Variants in SLC7A9 observed in about 807,000 individuals in gnomAD.
SLC7A9 encodes solute carrier family 7 member 9.
Under a neutral mutation model 54.1 loss-of-function variants are expected in SLC7A9, and 38 were observed. The observed-to-expected ratio is 0.70, with a 90% CI of 0.54 to 0.92. The LOEUF (loss-of-function observed/expected upper bound fraction) is 0.92. Ranked by LOEUF, SLC7A9 falls within the 40% of genes least tolerant of loss-of-function variation. The probability of loss-of-function intolerance (pLI) is 0.00; values close to 1 mark genes in which losing one functional copy is unlikely to be tolerated. For synonymous variants in SLC7A9, 264 were observed against 258.9 expected, an observed-to-expected ratio of 1.02 and a Z score of -0.19; for missense variants, 537 against 636.1, an observed-to-expected ratio of 0.84 and a Z score of 1.68.
rs386388892 is a variant in SLC7A9, at chr19:32,844,857, C to CAAAAAAAAAAAAAAAAAAAA, written c.978-926_978-907dup. 1.1e-3 allele frequency among the ~76,000 whole-genome samples: 34 copies of CAAAAAAAAAAAAAAAAAAAA among 30,314 alleles called. 4 individuals are homozygous for CAAAAAAAAAAAAAAAAAAAA. Among genetic ancestry groups the CAAAAAAAAAAAAAAAAAAAA allele is most frequent in the Non-Finnish European group, 1.4e-3 (24 of 16,988 alleles). The allele number at this position is 30,314 out of a possible 152,430, so 19.9% of individuals were successfully genotyped here. On this transcript the variant is annotated intron_variant, in intron 9 of 12. Coordinates refer to ENST00000023064, the MANE Select transcript of SLC7A9 (RefSeq NM_014270.5). ...TGGACGACAGAGTGAGAATCCATCT[C>CAAAAAAAAAAAAAAAAAAAA]AAAAAAAAAAAAAAAAAAAAAAAAA...
intron 2 of SLC7A9, 102 bp downstream of exon 2, chr19:32,868,346 G>A (rs1969039676): frequency 1.3e-6 from 1 of 789,246 alleles, no homozygotes; most frequent in Non-Finnish European, 2.3e-6. Context: ...TACATCTTCT[G>A]CCGTGTCACT....
At chr19:32,848,363 C>CA (rs913765008) in intron 9 of SLC7A9, among the ~76,000 whole-genome samples, 1,551 of 151,752 alleles carry the variant, frequency 0.01, 28 homozygotes, top group African/African-American at 0.036. Flanking sequence ...AAATGGAAAA[C>CA]AAAAAAAGGC....
At chr19:32,832,326 T>G (rs1385077216) in intron 12 of SLC7A9, among the ~76,000 whole-genome samples, 1 of 150,488 alleles carries the variant, frequency 6.6e-6, no homozygotes, top group African/African-American at 2.5e-5. Flanking sequence ...GTGGCTGACA[T>G]CTGTAATCCC....
At chr19:32,839,035 T>A (rs1968053597) in intron 11 of SLC7A9, among the ~76,000 whole-genome samples, 1 of 152,146 alleles carries the variant, frequency 6.6e-6, no homozygotes, top group Admixed American at 6.6e-5. Context: ...TTAAAGTGGC[T>A]TCCTTATTGG....
rs1038553225 is a variant in SLC7A9, at chr19:32,837,207, A to G, written c.1225-3884T>C. Among the ~76,000 whole-genome samples, 10 of 152,206 alleles carry G rather than the reference A, an allele frequency of 6.6e-5. No individual in the cohort carries two copies. In the East Asian group the frequency reaches 9.7e-4, roughly 15 times the overall value. ...TTTAAATTCACCATAGGAAACCTCA[A>G]ATTTCCTGCCAGGTGCTGTGGCTCA... On this transcript the variant is annotated intron_variant, in intron 11 of 12. Coordinates refer to ENST00000023064, the MANE Select transcript of SLC7A9 (RefSeq NM_014270.5).
At chr19:32,842,880 C>T (rs1397592029) in intron 10 of SLC7A9, among the ~76,000 whole-genome samples, 1 of 152,072 alleles carries the variant, frequency 6.6e-6, no homozygotes, top group Admixed American at 6.5e-5. Context: ...GAATATTATA[C>T]CAGCTTCATA....
intron 7 of SLC7A9, 116 bp from the exon 8 acceptor site, chr19:32,860,080 G>A (rs1222101229): frequency 1.9e-6 from 3 of 1,587,006 alleles, no homozygotes; most frequent in South Asian, 2.3e-5. Context: ...AGGCCCAGCA[G>A]GAACATAAGA....
intron 9 of SLC7A9, among the ~76,000 whole-genome samples, chr19:32,845,711 C>A (rs796540978): frequency 5.3e-5 from 8 of 152,252 alleles, no homozygotes; most frequent in African/African-American, 1.9e-4. Context: ...CATTTTCAAA[C>A]TTCTAAAGAA....
At chr19:32,855,475 G>A (rs959470396) in intron 9 of SLC7A9, among the ~76,000 whole-genome samples, 18 of 152,100 alleles carry the variant, frequency 1.2e-4, no homozygotes, top group Admixed American at 2.0e-4. Context: ...CAAGGCGGGC[G>A]GATCACGAGG....
chr19:32,832,473 G>T (rs1269723521), intron 12 of SLC7A9, among the ~76,000 whole-genome samples: 1 of 151,794 alleles, frequency 6.6e-6, no homozygotes, highest in Non-Finnish European at 1.5e-5. Context: ...TGTAATCCCA[G>T]CTACTCGGAA....
chr19:32,845,625 A>C (rs1241658996), intron 9 of SLC7A9, among the ~76,000 whole-genome samples: 1 of 152,374 alleles, frequency 6.6e-6, no homozygotes, highest in East Asian at 1.9e-4. Flanking sequence ...TCATATAAAA[A>C]TCTAGATATA....
At chr19:32,864,801 CGTTA>C (rs949262597) in intron 2 of SLC7A9, 25 bp from the exon 3 acceptor site, 1 of 1,613,742 alleles carries the variant, frequency 6.2e-7, no homozygotes, top group African/African-American at 1.3e-5. Flanking sequence ...AGGAAGAGGG[CGTTA>C]GTGCCACGCC....
chr19:32,849,635 T>G (rs1341584583), intron 9 of SLC7A9, among the ~76,000 whole-genome samples: 3 of 149,428 alleles, frequency 2.0e-5, no homozygotes, highest in South Asian at 2.1e-4. Flanking sequence ...CTTCTGAAAC[T>G]ATTCCAATCA....
intron 11 of SLC7A9, among the ~76,000 whole-genome samples, chr19:32,839,042 T>C (rs979567771): frequency 6.6e-6 from 1 of 152,182 alleles, no homozygotes; most frequent in Non-Finnish European, 1.5e-5. Context: ...GGCTTCCTTA[T>C]TGGCAGCTTG....
chr19:32,839,661 C>A (rs1340332147), intron 11 of SLC7A9, among the ~76,000 whole-genome samples: 2 of 151,604 alleles, frequency 1.3e-5, no homozygotes, highest in African/African-American at 4.9e-5. Context: ...GTATAAGAAT[C>A]TGGCTTACAT....
rs546259018 is a variant in SLC7A9, at chr19:32,858,717, G to A, written c.874-174C>T. Among the ~76,000 whole-genome samples the A allele has an allele frequency of 3.9e-5, 6 of 152,230 alleles. No homozygotes were observed. In the East Asian group the frequency reaches 1.2e-3, roughly 29 times the overall value. The stretch of plus-strand genomic sequence containing the variant: ...GGAGAACGCCACTCGCCTATCTCCA[G>A]ATATTGTGATGGCAAGAGAAGTCTC... On this transcript the variant is annotated intron_variant, in intron 8 of 12. Transcript: ENST00000023064.
intron 9 of SLC7A9, among the ~76,000 whole-genome samples, chr19:32,857,411 T>C (rs547727663): frequency 2.0e-5 from 3 of 152,156 alleles, no homozygotes; most frequent in Non-Finnish European, 2.9e-5. Flanking sequence ...GCCAGTGTGC[T>C]CCAGCCTGGG....
At position 32,864,159 on chromosome 19, in the gene SLC7A9, G is replaced by A. The variant is rs1385190308; in HGVS notation, c.415C>T (p.Pro139Ser). 8 of 1,614,186 alleles carry A rather than the reference G, an allele frequency of 5.0e-6. No individual in the cohort carries two copies. The highest frequency in any genetic ancestry group is 3.3e-5 in the South Asian group (3 of 91,088). Residue 139 changes from proline to serine, a missense_variant, in exon 4 of 13, where the codon CCC becomes TCC. Pro to Ser is a moderately conservative substitution (Grantham distance 74). Coordinates refer to ENST00000023064, the MANE Select transcript of SLC7A9 (RefSeq NM_014270.5). ...CLSFSEYVCA[P>S]FYVGCKPPQI... ...GGAGGCTTGCAGCCCACATAGAAGG[G>A]CGCACACACATACTCGGAGAAGCTG...
At chr19:32,847,192 C>T (rs1316507269) in intron 9 of SLC7A9, among the ~76,000 whole-genome samples, 1 of 152,196 alleles carries the variant, frequency 6.6e-6, no homozygotes, top group African/African-American at 2.4e-5. Context: ...CAGAGAATGA[C>T]TTTGACGAGT....
Sources: allele counts gnomAD v4.1 joint callset (sites outside exome capture counted in the v4.1 genomes callset), GRCh38; gene constraint gnomAD v4.1.1; transcripts MANE v1.5; gene names NCBI Gene and HGNC (gene_info 2026-07-23, HGNC 2026-07-21).